Variants in RGS22 observed in about 807,000 individuals in gnomAD.
RGS22 encodes regulator of G protein signaling 22, also known as regulator of G-protein signaling 22.
RGS22 carries 148 observed loss-of-function variants against 172.9 expected under a neutral mutation model. That is an observed-to-expected ratio of 0.86 (90% CI 0.75 to 0.98). The LOEUF (loss-of-function observed/expected upper bound fraction) is 0.98, where lower values mean the gene tolerates loss of function less well. RGS22 is among the 50% of genes least tolerant of loss of function. The pLI, the probability that RGS22 is intolerant of heterozygous loss-of-function variation, is 0.00. For synonymous variants in RGS22, 458 were observed against 480.2 expected (o/e 0.95, Z 0.60); for missense variants, 1,347 against 1,440.8 (o/e 0.93, Z 1.05).
At chr8:99,977,456 C>T (rs185666390) in intron 23 of RGS22, among the ~76,000 whole-genome samples, 1 of 152,016 alleles carries the variant, frequency 6.6e-6, no homozygotes, top group African/African-American at 2.4e-5. Flanking sequence ...AATGTTGCCC[C>T]TGCCAGTACA....
At chr8:100,081,679 A>G (rs540157354) in intron 3 of RGS22, among the ~76,000 whole-genome samples, 18 of 152,212 alleles carry the variant, frequency 1.2e-4, no homozygotes, top group African/African-American at 4.1e-4. Context: ...CATAAATACC[A>G]TCCCTAAACT....
At chr8:100,061,466 A>G (rs951315883) in intron 9 of RGS22, among the ~76,000 whole-genome samples, 1 of 152,200 alleles carries the variant, frequency 6.6e-6, no homozygotes, top group Non-Finnish European at 1.5e-5. Flanking sequence ...TTTACAAGAA[A>G]AAAAGCCATT....
At position 100,047,512 on chromosome 8, in the gene RGS22, G is replaced by GC; in HGVS notation, c.1773dup (p.Arg592AlafsTer10). 1 of 1,612,252 alleles carries GC rather than the reference G, an allele frequency of 6.2e-7. No individual in the cohort carries two copies. The highest frequency in any genetic ancestry group is 1.1e-5 in the South Asian group (1 of 90,568). On this transcript the variant is annotated frameshift_variant, in exon 11 of 28. Transcript: ENST00000360863. LOFTEE classifies it high-confidence loss of function. ...GAAGAACCTGGATACAAAAGCTCCCGCTTCCAAGGCTTTTGAGTTGCTGTT... is the reference window on the plus strand; with the variant it reads ...GAAGAACCTGGATACAAAAGCTCCCGCCTTCCAAGGCTTTTGAGTTGCTGTT...
chr8:100,085,004 T>C (rs1812059772), intron 3 of RGS22, among the ~76,000 whole-genome samples: 1 of 152,196 alleles, frequency 6.6e-6, no homozygotes, highest in African/African-American at 2.4e-5. Flanking sequence ...AAAAGGGATT[T>C]GGCTAAACTA....
chr8:100,053,083 T>A, intron 9 of RGS22, 107 bp from the exon 10 acceptor site: 3 of 1,004,660 alleles, frequency 3.0e-6, no homozygotes, highest in Non-Finnish European at 4.4e-6. Flanking sequence ...AGTCTTGCCA[T>A]ACCTCTTTTC....
intron 2 of RGS22, among the ~76,000 whole-genome samples, chr8:100,100,096 C>T (rs1586297970): frequency 6.6e-6 from 1 of 152,058 alleles, no homozygotes; most frequent in Non-Finnish European, 1.5e-5. Flanking sequence ...GGATTGGTTC[C>T]AGGACCCCCC....
At chr8:99,992,592 T>A (rs193011424) in intron 20 of RGS22, among the ~76,000 whole-genome samples, 1 of 152,210 alleles carries the variant, frequency 6.6e-6, no homozygotes, top group East Asian at 1.9e-4. Context: ...ATGCACCCAA[T>A]ACAGGAGCAC....
intron 23 of RGS22, among the ~76,000 whole-genome samples, chr8:99,973,398 G>A (rs1165554578): frequency 6.6e-6 from 1 of 152,108 alleles, no homozygotes; most frequent in Non-Finnish European, 1.5e-5. Flanking sequence ...ACCATTCTCA[G>A]CAAACTAACA....
intron 4 of RGS22, among the ~76,000 whole-genome samples, chr8:100,079,251 TC>T (rs1811576840): frequency 6.6e-6 from 1 of 152,240 alleles, no homozygotes; most frequent in Admixed American, 6.5e-5. Flanking sequence ...AGAATATATA[TC>T]CTTGTTCTGG....
chr8:100,093,624 T>C (rs1489770314), intron 2 of RGS22, 115 bp from the exon 3 acceptor site: 4 of 705,372 alleles, frequency 5.7e-6, no homozygotes, highest in Admixed American at 5.3e-5. Flanking sequence ...AAATCTCTTT[T>C]AGTCAGTCAA....
At chr8:100,077,512 T>C (rs1440596353) in intron 4 of RGS22, among the ~76,000 whole-genome samples, 2 of 152,222 alleles carry the variant, frequency 1.3e-5, no homozygotes, top group South Asian at 4.1e-4. Flanking sequence ...TTTAGGAGTA[T>C]GTTATGTAAT....
intron 21 of RGS22, among the ~76,000 whole-genome samples, chr8:99,985,801 T>C (rs557383128): frequency 3.9e-5 from 6 of 152,238 alleles, no homozygotes; most frequent in Admixed American, 6.5e-5. Flanking sequence ...TATAAGTCTA[T>C]AGTTGGTTTT....
chr8:100,001,750 T>C (rs1317681692), intron 18 of RGS22, among the ~76,000 whole-genome samples: 5 of 152,170 alleles, frequency 3.3e-5, no homozygotes, highest in Admixed American at 6.5e-5. Flanking sequence ...TTTTCAAAGA[T>C]TGATTATATT....
intron 19 of RGS22, among the ~76,000 whole-genome samples, chr8:99,997,632 T>C (rs1588938091): frequency 6.6e-6 from 1 of 152,212 alleles, no homozygotes. Flanking sequence ...TCTTCCTGAT[T>C]AGTATTAATG....
In RGS22 at chr8:100,053,909, C is replaced by T. The variant is rs189789160; in HGVS notation, c.1515-933G>A. On this transcript the variant is annotated intron_variant, in intron 9 of 27. Coordinates refer to ENST00000360863, the MANE Select transcript of RGS22 (RefSeq NM_015668.5). ...TCAGCCTCCCAAAGTGCTGGGATTACAGGCGTGAGCCACTGCGCCTGGCCT... is the reference window on the plus strand; with the variant it reads ...TCAGCCTCCCAAAGTGCTGGGATTATAGGCGTGAGCCACTGCGCCTGGCCT... Among the ~76,000 whole-genome samples, 401 of 152,238 alleles carry T rather than the reference C, an allele frequency of 2.6e-3. 2 individuals carry two copies. Among genetic ancestry groups the T allele is most frequent in the African/African-American group, 9.3e-3 (388 of 41,542 alleles).
chr8:99,976,603 C>T (rs957859414), intron 23 of RGS22, among the ~76,000 whole-genome samples: 2 of 152,128 alleles, frequency 1.3e-5, no homozygotes, highest in African/African-American at 4.8e-5. Context: ...CTTTGTGATC[C>T]GCCCGCCTCG....
intron 14 of RGS22, among the ~76,000 whole-genome samples, chr8:100,018,314 C>T (rs1469834262): frequency 2.0e-5 from 3 of 151,102 alleles, no homozygotes; most frequent in East Asian, 3.9e-4. Context: ...CAATATTACT[C>T]GAGAGTTAAC....
intron 24 of RGS22, among the ~76,000 whole-genome samples, chr8:99,964,931 G>C (rs1242830737): frequency 1.3e-5 from 2 of 152,114 alleles, no homozygotes; most frequent in Non-Finnish European, 2.9e-5. Flanking sequence ...GTCATGTATG[G>C]TTAATTTTAT....
At chr8:99,984,688 A>G (rs1287341463) in intron 21 of RGS22, among the ~76,000 whole-genome samples, 2 of 152,054 alleles carry the variant, frequency 1.3e-5, no homozygotes, top group Non-Finnish European at 2.9e-5. Flanking sequence ...CTAACAGGGT[A>G]GACTGTTTTG....
Sources: gnomAD v4.1 joint callset for allele counts (sites outside exome capture counted in the v4.1 genomes callset) on GRCh38, gnomAD v4.1.1 for gene constraint, MANE v1.5 for transcripts, NCBI Gene and HGNC (gene_info 2026-07-23, HGNC 2026-07-21) for gene names.